The following CCDC192 variants were observed in gnomAD, a reference collection of about 807,000 sequenced individuals.
CCDC192 encodes the protein coiled-coil domain containing 192.
At chr5:127,915,857 G>A (rs1753506338) in intron 6 of CCDC192, among the ~76,000 whole-genome samples, 1 of 152,184 alleles carries the variant, frequency 6.6e-6, no homozygotes, top group Non-Finnish European at 1.5e-5. Context: ...CCTGGAGGTT[G>A]ATGGCTGCTG....
chr5:127,705,404 G>T (rs1350599383), intron 1 of CCDC192, among the ~76,000 whole-genome samples: 2 of 152,098 alleles, frequency 1.3e-5, no homozygotes, highest in Non-Finnish European at 2.9e-5. Context: ...GCACATAAGG[G>T]TATTGCACTC....
intron 6 of CCDC192, among the ~76,000 whole-genome samples, chr5:127,915,861 G>T (rs1008713625): frequency 2.0e-5 from 3 of 152,174 alleles, no homozygotes; most frequent in Non-Finnish European, 4.4e-5. Context: ...GAGGTTGATG[G>T]CTGCTGACAG....
intron 6 of CCDC192, among the ~76,000 whole-genome samples, chr5:127,939,087 A>G (rs1052444185): frequency 7.8e-6 from 1 of 128,278 alleles, no homozygotes; most frequent in Non-Finnish European, 1.7e-5. Context: ...TTGTTAACTT[A>G]TGAAAGGCAC....
intron 3 of CCDC192, among the ~76,000 whole-genome samples, chr5:127,767,532 C>A (rs546084038): frequency 1.3e-5 from 2 of 152,240 alleles, no homozygotes; most frequent in East Asian, 3.9e-4. Flanking sequence ...TCTTAGAACC[C>A]AATATTATTG....
At chr5:127,754,925 C>A (rs897872531) in intron 3 of CCDC192, among the ~76,000 whole-genome samples, 2 of 152,178 alleles carry the variant, frequency 1.3e-5, no homozygotes, top group African/African-American at 4.8e-5. Context: ...GTTATAGGTG[C>A]TTTGCATGTA....
intron 5 of CCDC192, among the ~76,000 whole-genome samples, chr5:127,837,852 G>T (rs950539719): frequency 3.3e-5 from 5 of 152,150 alleles, no homozygotes; most frequent in African/African-American, 1.2e-4. Context: ...GCCAGGCATG[G>T]TGGTGCACGC....
chr5:127,903,193 C>CT (rs1753093328), intron 6 of CCDC192, among the ~76,000 whole-genome samples: 1 of 151,796 alleles, frequency 6.6e-6, no homozygotes, highest in East Asian at 1.9e-4. Flanking sequence ...AAGAACTCCT[C>CT]TTTTAGAACA....
intron 6 of CCDC192, among the ~76,000 whole-genome samples, chr5:127,900,339 G>T (rs1048006999): frequency 2.0e-5 from 3 of 152,154 alleles, no homozygotes; most frequent in Non-Finnish European, 4.4e-5. Flanking sequence ...AACGGAATTG[G>T]GTTGATTCTA....
At chr5:127,925,532 C>T (rs1753839021) in intron 6 of CCDC192, among the ~76,000 whole-genome samples, 1 of 152,116 alleles carries the variant, frequency 6.6e-6, no homozygotes, top group African/African-American at 2.4e-5. Flanking sequence ...GTCAATTTCT[C>T]ACTGTTGTTT....
chr5:127,915,408 G>C (rs1469159588), intron 6 of CCDC192, among the ~76,000 whole-genome samples: 1 of 152,124 alleles, frequency 6.6e-6, no homozygotes, highest in Non-Finnish European at 1.5e-5. Flanking sequence ...TTTTGAGATG[G>C]AGCCTCGCTG....
At chr5:127,917,494 A>G (rs1431024315) in intron 6 of CCDC192, among the ~76,000 whole-genome samples, 2 of 152,314 alleles carry the variant, frequency 1.3e-5, no homozygotes, top group East Asian at 3.9e-4. Flanking sequence ...TTAAAGTAAA[A>G]CAAGTGTAAC....
intron 6 of CCDC192, among the ~76,000 whole-genome samples, chr5:127,899,169 G>C (rs568901285): frequency 3.9e-5 from 6 of 152,252 alleles, no homozygotes; most frequent in East Asian, 3.9e-4. Context: ...TGCGTTTTTG[G>C]GGGGAGTGAA....
chr5:127,751,363 T>C (rs910348300), intron 2 of CCDC192, among the ~76,000 whole-genome samples: 3 of 152,120 alleles, frequency 2.0e-5, no homozygotes, highest in Non-Finnish European at 4.4e-5. Context: ...TTATTTCTCC[T>C]TCACTCATGA....
At chr5:127,807,878 A>G (rs1454694525) in intron 5 of CCDC192, among the ~76,000 whole-genome samples, 3 of 152,186 alleles carry the variant, frequency 2.0e-5, no homozygotes, top group Non-Finnish European at 4.4e-5. Context: ...GCAGAGAGCC[A>G]CATTCCTAGA....
intron 5 of CCDC192, among the ~76,000 whole-genome samples, chr5:127,807,134 G>A (rs1464745140): frequency 3.9e-5 from 6 of 152,116 alleles, no homozygotes; most frequent in Admixed American, 3.9e-4. Context: ...CACATGAAGT[G>A]GTTAGCAGAG....
At chr5:127,834,717 T>G (rs1011276975) in intron 5 of CCDC192, among the ~76,000 whole-genome samples, 1 of 152,176 alleles carries the variant, frequency 6.6e-6, no homozygotes, top group African/African-American at 2.4e-5. Context: ...AAACAATACC[T>G]TCCCCAAGGG....
At chr5:127,716,547 A>T (rs962336890) in intron 2 of CCDC192, among the ~76,000 whole-genome samples, 1 of 152,154 alleles carries the variant, frequency 6.6e-6, no homozygotes, top group Non-Finnish European at 1.5e-5. Context: ...GATTTTTATT[A>T]CTGATTCAAT....
chr5:127,876,060 A>C (rs1457917644), intron 6 of CCDC192, among the ~76,000 whole-genome samples: 1 of 104,626 alleles, frequency 9.6e-6, no homozygotes, highest in Non-Finnish European at 1.9e-5. Flanking sequence ...GGAAGAGAAC[A>C]GAATTTTTTT....
At chr5:127,818,065 A>T (rs1024516160) in intron 5 of CCDC192, among the ~76,000 whole-genome samples, 43 of 152,232 alleles carry the variant, frequency 2.8e-4, no homozygotes, top group African/African-American at 1.0e-3. Flanking sequence ...ATATGAAAAA[A>T]CCCAGCATAG....
Sources: allele counts gnomAD v4.1 joint callset (sites outside exome capture counted in the v4.1 genomes callset), GRCh38; gene constraint gnomAD v4.1.1; transcripts MANE v1.5; gene names NCBI Gene and HGNC (gene_info 2026-07-23, HGNC 2026-07-21).